The following GFAP variants were observed in gnomAD, a reference collection of about 807,000 sequenced individuals.
GFAP encodes glial fibrillary acidic protein, also known as intermediate filament protein.
Under a neutral mutation model 49.3 loss-of-function variants are expected in GFAP, and 38 were observed. The observed-to-expected ratio is 0.77, with a 90% CI of 0.60 to 1.01. The LOEUF (loss-of-function observed/expected upper bound fraction) is 1.01, where lower values mean the gene tolerates loss of function less well. Among genes scored for constraint, GFAP ranks in the 50% least tolerant of loss-of-function variants. GFAP has a pLI of 0.00. For synonymous variants in GFAP, 222 were observed against 236.4 expected (o/e 0.94, Z 0.56); for missense variants, 463 against 579.1 (o/e 0.80, Z 2.06).
Position 44,907,286 on chromosome 17 carries a change from T to A in GFAP, c.*61A>T. 1 of 1,528,892 alleles carries A rather than the reference T, an allele frequency of 6.5e-7. No individual in the cohort carries two copies. Among genetic ancestry groups the A allele is most frequent in the Non-Finnish European group, 9.1e-7 (1 of 1,102,594 alleles). The allele number at this position is 1,528,892 out of a possible 1,614,324, so 94.7% of individuals were successfully genotyped here. ...AATGTGCCAGCAGAGGCGGAGCAAC[T>A]ATCCTGCTTCTGCTCGGGCCCCTCA... is the stretch of plus-strand genomic sequence containing the variant. On this transcript the variant is annotated 3_prime_UTR_variant, in exon 9 of 9. Transcript: ENST00000588735.
chr17:44,903,510 C>T lies in GFAP; in HGVS notation c.*3837G>A. On this transcript the variant is annotated 3_prime_UTR_variant, in exon 9 of 9. Coordinates refer to ENST00000588735, the MANE Select transcript of GFAP (RefSeq NM_002055.5). ...TCCCTGCCCGAGCACCTCGGCCCGC[C>T]CTTCTCATTCCGGTTTCCTTTGACC... 1 of 1,283,160 alleles carries T rather than the reference C, an allele frequency of 7.8e-7. No individual in the cohort carries two copies. The highest frequency in any genetic ancestry group is 9.8e-7 in the Non-Finnish European group (1 of 1,018,618). 79.5% of individuals were successfully genotyped at this position (1,283,160 alleles called of 1,614,324 possible).
chr17:44,903,853 G>A lies in GFAP; in HGVS notation c.*3494C>T. The A allele has an allele frequency of 6.5e-7, 1 of 1,540,920 alleles. No homozygotes were observed. The highest frequency in any genetic ancestry group is 8.8e-7 in the Non-Finnish European group (1 of 1,142,458). The stretch of plus-strand genomic sequence containing the variant: ...GTATGCACCTGGCCCTCACCACTGT[G>A]CTCCTGTGGGCATGGGGGCTCCAGG... On this transcript the variant is annotated 3_prime_UTR_variant, in exon 9 of 9. Transcript: ENST00000588735.
At chr17:44,911,501 TG>T in intron 5 of GFAP, 45 bp from the exon 6 acceptor site, 1 of 1,564,548 alleles carries the variant, frequency 6.4e-7, no homozygotes, top group Non-Finnish European at 8.6e-7. Flanking sequence ...CGACCCGACT[TG>T]GGGAGGTTTC....
chr17:44,911,671 C>T lies in GFAP; in HGVS notation c.906+1G>A. ...CCCCGTCCTGCCCTGGCCGCGCTCA[C>T]CGTGCCGCGCAGAGACTCCAGGTCG... On this transcript the variant is annotated splice_donor_variant, in intron 5 of 8. Coordinates refer to ENST00000588735, the MANE Select transcript of GFAP (RefSeq NM_002055.5). LOFTEE classifies it high-confidence loss of function. 2 of 1,612,596 alleles carry T rather than the reference C, an allele frequency of 1.2e-6. No individual in the cohort carries two copies. The highest frequency in any genetic ancestry group is 1.7e-6 in the Non-Finnish European group (2 of 1,179,866).
In GFAP at chr17:44,905,219, G is replaced by C. The variant is rs951093906; in HGVS notation, c.*2128C>G. The C allele has an allele frequency of 1.5e-5, 10 of 668,054 alleles. No homozygotes were observed. The African/African-American group carries it at 1.8e-4, about 12-fold the overall frequency. 41.4% of individuals were successfully genotyped at this position (668,054 alleles called of 1,614,324 possible). On this transcript the variant is annotated 3_prime_UTR_variant, in exon 9 of 9. Coordinates refer to ENST00000588735, the MANE Select transcript of GFAP (RefSeq NM_002055.5). ...AGCCTGCTCCCCATTTTCATGGGCA[G>C]GTCTGGGACCTGATCTGAGAAGTGG...
At position 44,907,176 on chromosome 17, in the gene GFAP, C is replaced by T; in HGVS notation, c.*171G>A. 1.5e-6 allele frequency: 1 copy of T among 676,036 alleles called. No homozygotes were observed. Among genetic ancestry groups the T allele is most frequent in the South Asian group, 1.7e-5 (1 of 60,182 alleles). 41.9% of individuals were successfully genotyped at this position (676,036 alleles called of 1,614,324 possible). A position where few individuals can be genotyped will look rare whatever the true frequency, so the allele number is the denominator to read the frequency against. On this transcript the variant is annotated 3_prime_UTR_variant, in exon 9 of 9. Transcript: ENST00000588735. ...TGGGTGCCGTCTGGCAGGCCTGATACTGACGGAGCCTAGGGCAGCAAGCTG... is the reference window on the plus strand; with the variant it reads ...TGGGTGCCGTCTGGCAGGCCTGATATTGACGGAGCCTAGGGCAGCAAGCTG...
At chr17:44,907,590 C>A (rs1486327087) in intron 8 of GFAP, 1 of 641,868 alleles carries the variant, frequency 1.6e-6, no homozygotes. Flanking sequence ...TCATGCCTGG[C>A]GAGTGGTAAG....
intron 6 of GFAP, 57 bp downstream of exon 6, chr17:44,911,177 GAT>G (rs2145632382): frequency 1.4e-6 from 2 of 1,465,328 alleles, no homozygotes; most frequent in South Asian, 2.3e-5. Flanking sequence ...AAGGGAGCAA[GAT>G]GAGCTCTACC....
rs939221468 is a variant in GFAP at position 44,904,919 on chromosome 17, C to A, written c.*2428G>T. On this transcript the variant is annotated 3_prime_UTR_variant, in exon 9 of 9. Coordinates refer to ENST00000588735, the MANE Select transcript of GFAP (RefSeq NM_002055.5). ...CCGGCTGGGTGTGACATCTCATGGG[C>A]ACTACCCAGCCTCGTTCTCAGATCC... 4 of 1,550,598 alleles carry A rather than the reference C, an allele frequency of 2.6e-6. No homozygotes were observed. The East Asian group carries it at 9.8e-5, about 38-fold the overall frequency.
At chr17:44,908,178 A>G (rs1478703097) in intron 7 of GFAP, 29 bp from the exon 8 acceptor site, 11 of 1,499,418 alleles carry the variant, frequency 7.3e-6, no homozygotes, top group Non-Finnish European at 1.0e-5. Context: ...GAGGCCTCTC[A>G]TGGACTTTCA....
At chr17:44,910,441 A>G in intron 7 of GFAP, 174 bp downstream of exon 7, 24 of 1,575,034 alleles carry the variant, frequency 1.5e-5, no homozygotes, top group Non-Finnish European at 2.0e-5. Context: ...AGCCCCACCT[A>G]GAAGTACCCT....
In GFAP at chr17:44,903,689, C is replaced by G. The variant is rs767853554; in HGVS notation, c.*3658G>C. ...ATTGCCTTGCACTTGGCGGCTTCCT[C>G]TGCAGATTGTTGCTGCTTTTCCTGG... On this transcript the variant is annotated 3_prime_UTR_variant, in exon 9 of 9. Transcript: ENST00000588735. The G allele has an allele frequency of 1.8e-5, 26 of 1,437,660 alleles. No homozygotes were observed. Among genetic ancestry groups the G allele is most frequent in the Middle Eastern group, 2.6e-4 (1 of 3,916 alleles). 89.1% of individuals were successfully genotyped at this position (1,437,660 alleles called of 1,614,324 possible).
intron 5 of GFAP, 77 bp from the exon 6 acceptor site, chr17:44,911,533 A>G: frequency 6.5e-7 from 1 of 1,543,212 alleles, no homozygotes; most frequent in South Asian, 1.2e-5. Context: ...CCCCGGCCCC[A>G]GGCCCCGCCT....
chr17:44,907,596 G>T, intron 8 of GFAP: 1 of 636,596 alleles, frequency 1.6e-6, no homozygotes, highest in Non-Finnish European at 2.9e-6. Flanking sequence ...CTGGCGAGTG[G>T]TAAGCTGCTG....
rs1046949253 is a variant in GFAP, at chr17:44,904,575, T to C, written c.*2772A>G. On this transcript the variant is annotated 3_prime_UTR_variant, in exon 9 of 9. Transcript: ENST00000588735. ...GTACCCTGTGAGAAGACAAAGACCA[T>C]CCGGGAGGGCGTGCTGGCCATCATT... is the stretch of plus-strand genomic sequence containing the variant. 8.4e-6 allele frequency: 13 copies of C among 1,550,428 alleles called. No homozygotes were observed. In the African/African-American group the frequency reaches 1.8e-4, roughly 21 times the overall value.
chr17:44,913,696 G>A (rs1162496776), intron 3 of GFAP, 32 bp downstream of exon 3: 2 of 1,498,588 alleles, frequency 1.3e-6, no homozygotes, highest in Non-Finnish European at 1.9e-6. Context: ...CAATCTCTGT[G>A]TTGAGCTTTC....
At chr17:44,913,694 G>T in intron 3 of GFAP, 34 bp downstream of exon 3, 1 of 1,467,412 alleles carries the variant, frequency 6.8e-7, no homozygotes, top group Non-Finnish European at 9.6e-7. Context: ...TGCAATCTCT[G>T]TGTTGAGCTT....
Position 44,913,326 on chromosome 17 carries a change from C to A in GFAP, c.723G>T (p.Gln241His). 6.2e-7 allele frequency: 1 copy of A among 1,614,198 alleles called. No individual in the cohort carries two copies. Among genetic ancestry groups the A allele is most frequent in the African/African-American group, 1.3e-5 (1 of 75,060 alleles). Residue 241 changes from glutamine to histidine, a missense_variant, in exon 4 of 9, where the codon CAG (glutamine) becomes CAT (histidine). Gln to His is a conservative substitution (Grantham distance 24). This residue lies in a region of GFAP where 362 missense variants were observed against 445.5 expected (regional missense o/e 0.81). Transcript: ENST00000588735. ...TGTTGCTGGACGCCATTGCCTCATACTGCGTGCGGATCTCTTTCAGGGCTG... is the reference window on the plus strand; with the variant it reads ...TGTTGCTGGACGCCATTGCCTCATAATGCGTGCGGATCTCTTTCAGGGCTG... ...LTAALKEIRT[Q>H]YEAMASSNMH...
At chr17:44,909,707 C>T in intron 7 of GFAP, 1 of 973,626 alleles carries the variant, frequency 1.0e-6, no homozygotes, top group South Asian at 4.7e-5. Context: ...AAACTTTATT[C>T]ACTGCAAGAG....
Sources: allele counts gnomAD v4.1 joint callset, GRCh38; gene constraint gnomAD v4.1.1; regional missense constraint gnomAD v4.1.1; transcripts MANE v1.5; gene names NCBI Gene and HGNC (gene_info 2026-07-23, HGNC 2026-07-21).